PLS3: variants seen among roughly 807,000 people sequenced by gnomAD.
The protein encoded by PLS3 is plastin 3, also known as plastin-3.
In PLS3, 11 loss-of-function variants were observed where a neutral mutation model predicts 46.5. The observed-to-expected ratio is 0.24, with a 90% CI of 0.15 to 0.39. PLS3 has a LOEUF of 0.39. Ranked by LOEUF, PLS3 falls within the 10% of genes least tolerant of loss-of-function variation. The pLI, the probability that PLS3 is intolerant of heterozygous loss-of-function variation, is 1.00. For missense variants in PLS3, 308 were observed against 461.8 expected, an observed-to-expected ratio of 0.67 and a Z score of 3.05; for synonymous variants, 167 against 162.2, an observed-to-expected ratio of 1.03 and a Z score of -0.22.
At chrX:115,569,839 C>T (rs782138499) in intron 1 of PLS3, among the ~76,000 whole-genome samples, 92 of 112,016 alleles carry the variant, frequency 8.2e-4, no homozygotes, top group Non-Finnish European at 1.6e-3. Flanking sequence ...TTCTCACTAC[C>T]TTTCTTTTCT....
At chrX:115,637,822 G>A (rs1297024419) in intron 8 of PLS3, among the ~76,000 whole-genome samples, 1 of 112,084 alleles carries the variant, frequency 8.9e-6, no homozygotes, top group Admixed American at 9.5e-5. Context: ...AGTGATGAGA[G>A]GAAGCAGTGA....
At chrX:115,606,018 G>A (rs2074487436) in intron 1 of PLS3, among the ~76,000 whole-genome samples, 1 of 106,675 alleles carries the variant, frequency 9.4e-6, no homozygotes, top group Non-Finnish European at 1.9e-5. Context: ...GCGGGGAGGG[G>A]CAGGTTGGGG....
chrX:115,610,832 G>T, intron 2 of PLS3: 2 of 1,068,663 alleles, frequency 1.9e-6, no homozygotes, highest in East Asian at 7.0e-5. Flanking sequence ...TTAAATTATA[G>T]CTTCAGTATA....
chrX:115,613,567 C>T (rs1320157689), intron 2 of PLS3, among the ~76,000 whole-genome samples: 6 of 111,797 alleles, frequency 5.4e-5, no homozygotes, highest in African/African-American at 1.9e-4. Flanking sequence ...TTTCATTGTG[C>T]CATCTGGTTA....
intron 7 of PLS3, among the ~76,000 whole-genome samples, chrX:115,635,522 G>A (rs1216088059): frequency 1.9e-5 from 2 of 107,849 alleles, no homozygotes; most frequent in South Asian, 4.2e-4. Flanking sequence ...GAGGTGGCAC[G>A]TGCCTGTAGT....
chrX:115,629,767 G>C lies in PLS3; in HGVS notation c.368-68G>C, dbSNP rs782224956. Reference sequence around the variant, plus strand: ...TCAGCACTACTGCACAACTATTTTAGGCTTTGGAGTCAAATATTTAATAAG... The same window carrying C: ...TCAGCACTACTGCACAACTATTTTACGCTTTGGAGTCAAATATTTAATAAG... On this transcript the variant is annotated intron_variant, in intron 4 of 15. Transcript: ENST00000355899. 19 of 704,420 alleles carry C rather than the reference G, an allele frequency of 2.7e-5. No individual in the cohort carries two copies. In the East Asian group the frequency reaches 3.7e-4, roughly 14 times the overall value. 58.1% of individuals were successfully genotyped at this position (704,420 alleles called of 1,213,427 possible).
At chrX:115,562,577 G>C (rs888044841) in intron 1 of PLS3, 1 of 111,346 alleles carries the variant, frequency 9.0e-6, no homozygotes, top group Non-Finnish European at 1.9e-5. Context: ...GCTAACAGTA[G>C]GTAGAAAATG....
Position 115,646,101 on chromosome X carries a change from A to T in PLS3, c.1292A>T (p.Gln431Leu). The T allele has an allele frequency of 8.5e-7, 1 of 1,180,377 alleles. No individual in the cohort carries two copies. The highest frequency in any genetic ancestry group is 1.2e-6 in the Non-Finnish European group (1 of 868,030). Residue 431 changes from glutamine to leucine, a missense_variant, in exon 12 of 16, where the codon CAG (glutamine) becomes CTG (leucine). By Grantham distance (113) the Gln-to-Leu change is moderately radical. This residue lies in a region of PLS3 where 271 missense variants were observed against 435.7 expected (regional missense o/e 0.62). Transcript: ENST00000355899. ...ADLQDALVILQLYERIKVPVD... is the reference protein window; with the variant it reads ...ADLQDALVILLLYERIKVPVD... ...CTGCAAGATGCCCTGGTAATCTTAC[A>T]GTTATATGAACGAATTAAAGTTCCT... is the stretch of plus-strand genomic sequence containing the variant.
chrX:115,636,018 CAAAA>C (rs1340168673), intron 7 of PLS3, among the ~76,000 whole-genome samples: 1 of 109,756 alleles, frequency 9.1e-6, no homozygotes, highest in East Asian at 2.9e-4. Flanking sequence ...GAGACTCTCT[CAAAA>C]GAAAGAAAAG....
intron 2 of PLS3, among the ~76,000 whole-genome samples, chrX:115,615,016 T>A (rs1330808969): frequency 1.8e-5 from 2 of 110,572 alleles, no homozygotes; most frequent in African/African-American, 3.3e-5. Context: ...TTAGACAGAT[T>A]CAAGGATGTT....
chrX:115,583,344 G>T (rs1356202084), intron 1 of PLS3, among the ~76,000 whole-genome samples: 1 of 112,631 alleles, frequency 8.9e-6, no homozygotes, highest in East Asian at 2.8e-4. Context: ...AACTCCCAAT[G>T]AAATGGAATT....
chrX:115,633,156 C>G (rs1388203977), intron 5 of PLS3, among the ~76,000 whole-genome samples: 2 of 106,069 alleles, frequency 1.9e-5, no homozygotes, highest in Non-Finnish European at 3.9e-5. Flanking sequence ...AACTACTATG[C>G]ACATATTTTG....
At chrX:115,638,781 C>T (rs190303677) in intron 8 of PLS3, among the ~76,000 whole-genome samples, 3,189 of 108,466 alleles carry the variant, frequency 0.029, 49 homozygotes, top group Non-Finnish European at 0.047. Flanking sequence ...GGCGCCATCT[C>T]GGCTCACTGC....
chrX:115,597,444 T>C (rs1440441238), intron 1 of PLS3, among the ~76,000 whole-genome samples: 3 of 111,747 alleles, frequency 2.7e-5, no homozygotes, highest in African/African-American at 9.8e-5. Flanking sequence ...GTTTTAGATA[T>C]ATCCAAGGCC....
intron 3 of PLS3, among the ~76,000 whole-genome samples, 172 bp from the exon 4 acceptor site, chrX:115,629,025 AG>A (rs2074738523): frequency 8.9e-6 from 1 of 111,785 alleles, no homozygotes; most frequent in African/African-American, 3.2e-5. Flanking sequence ...CATTTTCAGA[AG>A]GGGTATTGTA....
At chrX:115,564,213 A>G (rs1302084571) in intron 1 of PLS3, among the ~76,000 whole-genome samples, 1 of 111,913 alleles carries the variant, frequency 8.9e-6, no homozygotes, top group African/African-American at 3.2e-5. Context: ...GGGAGCTATT[A>G]ATAAATAAAT....
chrX:115,569,918 A>G (rs1187337844), intron 1 of PLS3, among the ~76,000 whole-genome samples: 1 of 111,749 alleles, frequency 8.9e-6, no homozygotes, highest in Non-Finnish European at 1.9e-5. Flanking sequence ...TATGGGTTCC[A>G]ATAGCTCTCG....
rs781960859 is a variant in PLS3, at chrX:115,647,865, T to C, written c.1636-28T>C. The C allele has an allele frequency of 7.5e-6, 9 of 1,199,983 alleles. No homozygotes were observed. In the Admixed American group the frequency reaches 2.1e-4, roughly 28 times the overall value. On this transcript the variant is annotated intron_variant, in intron 14 of 15. Transcript: ENST00000355899. Reference sequence around the variant, plus strand: ...CATGTTAATTTGTATGTATCAAAATTCTCAGATTTGTTCTCCTTTCACACT... The same window carrying C: ...CATGTTAATTTGTATGTATCAAAATCCTCAGATTTGTTCTCCTTTCACACT...
In PLS3 at chrX:115,609,656, T is replaced by C. The variant is rs189508440; in HGVS notation, c.-8-587T>C. Among the ~76,000 whole-genome samples the C allele has an allele frequency of 7.0e-4, 79 of 112,370 alleles. 1 individual carries two copies. The highest frequency in any genetic ancestry group is 2.5e-3 in the African/African-American group (76 of 31,010). ...AGTTAAATAGATCAATAAGGCCAAA[T>C]TGGAAAGGGTGTATACTCAGATAAT... On this transcript the variant is annotated intron_variant, in intron 1 of 15. Coordinates refer to ENST00000355899, the MANE Select transcript of PLS3 (RefSeq NM_005032.7).
Sources: allele counts gnomAD v4.1 joint callset (sites outside exome capture counted in the v4.1 genomes callset), GRCh38; gene constraint gnomAD v4.1.1; regional missense constraint gnomAD v4.1.1; transcripts MANE v1.5; gene names NCBI Gene and HGNC (gene_info 2026-07-23, HGNC 2026-07-21).